Variants in BRS3 observed in about 807,000 individuals in gnomAD.
BRS3 encodes the protein bombesin receptor subtype 3, also known as bombesin receptor subtype-3.
Under a neutral mutation model 18.8 loss-of-function variants are expected in BRS3, and 5 were observed. The ratio of observed to expected loss-of-function variants is 0.27; its 90% CI spans 0.14 to 0.56. The LOEUF (loss-of-function observed/expected upper bound fraction) is 0.56. Among genes scored for constraint, BRS3 ranks in the 20% least tolerant of loss-of-function variants. The pLI is 0.93. For missense variants in BRS3, 215 were observed against 296.3 expected, an observed-to-expected ratio of 0.73 and a Z score of 2.01; for synonymous variants, 121 against 115.0, an observed-to-expected ratio of 1.05 and a Z score of -0.33.
chrX:136,490,663 C>G (rs1265504997), intron 2 of BRS3, among the ~76,000 whole-genome samples, 179 bp downstream of exon 2: 1 of 112,228 alleles, frequency 8.9e-6, no homozygotes, highest in African/African-American at 3.2e-5. Context: ...GCTGAGTAAT[C>G]TTGAGCAAGT....
In BRS3 at chrX:136,488,276, T is replaced by C; in HGVS notation, c.162T>C (p.Tyr54=). 8.2e-7 allele frequency: 1 copy of C among 1,212,244 alleles called. No individual in the cohort carries two copies. Among genetic ancestry groups the C allele is most frequent in the Non-Finnish European group, 1.1e-6 (1 of 895,645 alleles). ...CATTGTGTGCCATCTATATTACTTA[T>C]GCTGTGATCATTTCAGTGGGCATCC... The part of the protein sequence containing the change: ...IEALCAIYIT[Y]AVIISVGILG... Residue 54 remains tyrosine, a synonymous_variant, in exon 1 of 3, where the codon TAT becomes TAC. Coordinates refer to ENST00000370648, the MANE Select transcript of BRS3 (RefSeq NM_001727.2).
At position 136,492,213 on chromosome X, in the gene BRS3, C is replaced by T; in HGVS notation, c.1038C>T (p.Phe346=). The stretch of plus-strand genomic sequence containing the variant: ...AGAAGCATTTTAAAGCTCAGTTGTT[C>T]TGTTGCAAGGCGGAGCGGCCTGAGC... The part of the protein sequence containing the change: ...SFQKHFKAQL[F]CCKAERPEPP... The change falls in exon 3 of 3, where the codon TTC becomes TTT. Residue 346 remains phenylalanine, a synonymous_variant. Transcript: ENST00000370648. 8.3e-7 allele frequency: 1 copy of T among 1,211,668 alleles called. No homozygotes were observed. The highest frequency in any genetic ancestry group is 1.1e-6 in the Non-Finnish European group (1 of 895,551).
intron 2 of BRS3, 23 bp from the exon 3 acceptor site, chrX:136,491,939 T>TTTTTTTTTTTTTTTTTTTTTTTTTTTA: frequency 1.3e-6 from 1 of 756,465 alleles, no homozygotes; most frequent in Non-Finnish European, 1.7e-6. Context: ...TTTTTTTTTT[T>TTTTTTTTTTTTTTTTTTTTTTTTTTTA]GCTATGTTTC....
At chrX:136,491,260 A>G (rs754531542) in intron 2 of BRS3, among the ~76,000 whole-genome samples, 1 of 112,235 alleles carries the variant, frequency 8.9e-6, no homozygotes, top group East Asian at 2.8e-4. Context: ...TAGTCCATTC[A>G]GTTAGTTTAA....
chrX:136,490,547 G>A, intron 2 of BRS3, 63 bp downstream of exon 2: 4 of 864,750 alleles, frequency 4.6e-6, no homozygotes, highest in Non-Finnish European at 6.4e-6. Flanking sequence ...TCCTACTTTT[G>A]CACAGTGAGT....
At chrX:136,491,104 C>T (rs1382113109) in intron 2 of BRS3, among the ~76,000 whole-genome samples, 2 of 111,597 alleles carry the variant, frequency 1.8e-5, no homozygotes, top group Non-Finnish European at 3.8e-5. Context: ...TACCCTCCCT[C>T]TCATAAATAT....
At chrX:136,491,913 G>GTTTTGTTTTTTTTTTTTTTTTTTTT (rs2075671109) in intron 2 of BRS3, 49 bp from the exon 3 acceptor site, 1 of 431,735 alleles carries the variant, frequency 2.3e-6, no homozygotes, top group Non-Finnish European at 2.8e-6. Flanking sequence ...TGTTTTTTGT[G>GTTTTGTTTTTTTTTTTTTTTTTTTT]TTTTTTTTTT....
Position 136,490,443 on chromosome X carries a change from C to T in BRS3, c.745C>T (p.Leu249=). ...TGCTAGGACCCTTTACAAAAGCACC[C>T]TGAACATACCTACTGAGGAACAAAG... ...LIARTLYKST[L]NIPTEEQSHA... Residue 249 remains leucine (L), a synonymous_variant, in exon 2 of 3, where the codon CTG becomes TTG. Coordinates refer to ENST00000370648, the MANE Select transcript of BRS3 (RefSeq NM_001727.2). 1 of 1,189,182 alleles carries T rather than the reference C, an allele frequency of 8.4e-7. No individual in the cohort carries two copies. Among genetic ancestry groups the T allele is most frequent in the Non-Finnish European group, 1.1e-6 (1 of 881,160 alleles).
rs373228133 is a variant in BRS3, at chrX:136,488,190, G to T, written c.76G>T (p.Val26Leu). The change falls in exon 1 of 3, where the codon GTG becomes TTG. Residue 26 changes from valine (V) to leucine (L), a missense_variant. Val to Leu is a conservative substitution (Grantham distance 32, BLOSUM62 1). Coordinates refer to ENST00000370648, the MANE Select transcript of BRS3 (RefSeq NM_001727.2). ...ITNDTESSSS[V>L]VSNDNTNKGW... ...AAATGACACAGAATCATCAAGCTCT[G>T]TGGTTTCTAACGATAACACAAATAA... is the stretch of plus-strand genomic sequence containing the variant. 14 of 1,210,034 alleles carry T rather than the reference G, an allele frequency of 1.2e-5. No individual in the cohort carries two copies. Among genetic ancestry groups the T allele is most frequent in the Non-Finnish European group, 1.1e-6 (1 of 895,219 alleles).
At position 136,491,913 on chromosome X, in the gene BRS3, G is replaced by GT. The variant is rs754593042; in HGVS notation, c.787-23dup. On this transcript the variant is annotated intron_variant, in intron 2 of 2. Coordinates refer to ENST00000370648, the MANE Select transcript of BRS3 (RefSeq NM_001727.2). Reference sequence around the variant, plus strand: ...TTTTTTTGTTGTTGTTGTTTTTTGTGTTTTTTTTTTTTTTTTTTTTTTTTT... The same window carrying GT: ...TTTTTTTGTTGTTGTTGTTTTTTGTGTTTTTTTTTTTTTTTTTTTTTTTTTT... 1,004 of 436,541 alleles carry GT rather than the reference G, an allele frequency of 2.3e-3. 48 individuals carry two copies. Among genetic ancestry groups the GT allele is most frequent in the East Asian group, 0.012 (118 of 10,091 alleles). 36.0% of individuals were successfully genotyped at this position (436,541 alleles called of 1,213,427 possible). A position where few individuals can be genotyped will look rare whatever the true frequency, so the allele number is the denominator to read the frequency against.
chrX:136,492,068 C>T lies in BRS3; in HGVS notation c.893C>T (p.Ser298Phe). The change falls in exon 3 of 3, where the codon TCT (serine) becomes TTT (phenylalanine). Residue 298 changes from serine to phenylalanine, a missense_variant. Ser to Phe is a radical substitution (Grantham distance 155). Transcript: ENST00000370648. ...HLLYLYHSFT[S>F]QTYVDPSAMH... Reference sequence around the variant, plus strand: ...CTGTACCTCTACCATTCATTCACTTCTCAAACCTATGTAGACCCCTCTGCC... The same window carrying T: ...CTGTACCTCTACCATTCATTCACTTTTCAAACCTATGTAGACCCCTCTGCC... The T allele has an allele frequency of 2.5e-6, 3 of 1,211,090 alleles. No individual in the cohort carries two copies. The highest frequency in any genetic ancestry group is 3.4e-6 in the Non-Finnish European group (3 of 895,323).
chrX:136,490,337 G>A lies in BRS3; in HGVS notation c.639G>A (p.Leu213=). 2.5e-6 allele frequency: 3 copies of A among 1,208,124 alleles called. No individual in the cohort carries two copies. The highest frequency in any genetic ancestry group is 3.4e-6 in the Non-Finnish European group (3 of 892,221). ...CTTATCCTGTCTCTAAGAAGCTCTT[G>A]CAAGAAATACATTCTCTGCTGTGCT... is the stretch of plus-strand genomic sequence containing the variant. ...CTSYPVSKKL[L]QEIHSLLCFL... The change falls in exon 2 of 3, where the codon TTG becomes TTA. Residue 213 remains leucine, a synonymous_variant. Transcript: ENST00000370648.
Position 136,492,240 on chromosome X carries a change from T to G in BRS3, c.1065T>G (p.Pro355=), listed in dbSNP as rs1458334240. ...GTTGCAAGGCGGAGCGGCCTGAGCCTCCTGTTGCTGACACCTCTCTTACCA... is the reference window on the plus strand; with the variant it reads ...GTTGCAAGGCGGAGCGGCCTGAGCCGCCTGTTGCTGACACCTCTCTTACCA... ...LFCCKAERPE[P]PVADTSLTTL... Residue 355 remains proline (P), a synonymous_variant, in exon 3 of 3, where the codon CCT becomes CCG. Coordinates refer to ENST00000370648, the MANE Select transcript of BRS3 (RefSeq NM_001727.2). The G allele has an allele frequency of 8.3e-7, 1 of 1,209,846 alleles. No homozygotes were observed. Among genetic ancestry groups the G allele is most frequent in the Non-Finnish European group, 1.1e-6 (1 of 895,291 alleles).
rs1233612508 is a variant in BRS3, at chrX:136,492,359, C to A, written c.1184C>A (p.Ala395Glu). Reference sequence around the variant, plus strand: ...TTCACTGGGTGTAGTGTGAAGCAGGCAGAGGACAGATTCTAGCTTTTCAAG... The same window carrying A: ...TTCACTGGGTGTAGTGTGAAGCAGGAAGAGGACAGATTCTAGCTTTTCAAG... Reference protein sequence around the residue: ...TSFTGCSVKQAEDRF With the variant: ...TSFTGCSVKQEEDRF Residue 395 changes from alanine (A) to glutamate (E), a missense_variant, in exon 3 of 3, where the codon GCA becomes GAA. Ala to Glu is a moderately radical substitution (Grantham distance 107, BLOSUM62 -1). Around this residue, in one of 3 missense-constraint regions of BRS3, gnomAD observed 45 missense variants for 45.5 expected, o/e 0.99. Coordinates refer to ENST00000370648, the MANE Select transcript of BRS3 (RefSeq NM_001727.2). 8.3e-7 allele frequency: 1 copy of A among 1,203,662 alleles called. No homozygotes were observed. The highest frequency in any genetic ancestry group is 1.8e-5 in the African/African-American group (1 of 56,859).
Position 136,492,453 on chromosome X carries a change from G to T in BRS3, c.*78G>T. On this transcript the variant is annotated 3_prime_UTR_variant, in exon 3 of 3. Transcript: ENST00000370648. ...GCTGTGTGCAGGTGTATGGTGTCCA[G>T]ATTTTTGTTGTTTGAAAAGTGTGTT... 2 of 1,031,072 alleles carry T rather than the reference G, an allele frequency of 1.9e-6. No homozygotes were observed. Among genetic ancestry groups the T allele is most frequent in the Non-Finnish European group, 2.6e-6 (2 of 778,855 alleles). The allele number at this position is 1,031,072 out of a possible 1,213,427, so 85.0% of individuals were successfully genotyped here. A position where few individuals can be genotyped will look rare whatever the true frequency, so the allele number is the denominator to read the frequency against.
chrX:136,492,400 T>C lies in BRS3; in HGVS notation c.*25T>C. 8.5e-7 allele frequency: 1 copy of C among 1,181,824 alleles called. No individual in the cohort carries two copies. Among genetic ancestry groups the C allele is most frequent in the Non-Finnish European group, 1.1e-6 (1 of 880,454 alleles). ...GCTTTTCAAGGAAAAATGCTGCTTC[T>C]CCTCCCAGCGTGTGTATCCGACTCT... On this transcript the variant is annotated 3_prime_UTR_variant, in exon 3 of 3. Transcript: ENST00000370648.
chrX:136,491,835 T>C, intron 2 of BRS3, 127 bp from the exon 3 acceptor site: 1 of 741,847 alleles, frequency 1.3e-6, no homozygotes, highest in Non-Finnish European at 1.8e-6. Flanking sequence ...TGTAAATTTC[T>C]ATGTAAATTT....
At position 136,488,185 on chromosome X, in the gene BRS3, G is replaced by A; in HGVS notation, c.71G>A (p.Ser24Asn). 1 of 1,211,294 alleles carries A rather than the reference G, an allele frequency of 8.3e-7. No individual in the cohort carries two copies. Among genetic ancestry groups the A allele is most frequent in the Non-Finnish European group, 1.1e-6 (1 of 895,140 alleles). Residue 24 changes from serine (S) to asparagine (N), a missense_variant, in exon 1 of 3, where the codon AGC (serine) becomes AAC (asparagine). Coordinates refer to ENST00000370648, the MANE Select transcript of BRS3 (RefSeq NM_001727.2). ...ATCACAAATGACACAGAATCATCAA[G>A]CTCTGTGGTTTCTAACGATAACACA... ...ISITNDTESS[S>N]SVVSNDNTNK...
rs1373616201 is a variant in BRS3, at chrX:136,493,539, A to C, written c.*1164A>C. 8.9e-6 allele frequency: 1 copy of C among 112,303 alleles called. No homozygotes were observed. Among genetic ancestry groups the C allele is most frequent in the Admixed American group, 9.4e-5 (1 of 10,621 alleles). The allele number at this position is 112,303 out of a possible 1,213,427, so 9.3% of individuals were successfully genotyped here. Reference sequence around the variant, plus strand: ...TATAGGTAAATTTGTATTTAAAAAAAAAAACAATGTTTGAGTGTGCTTTTG... The same window carrying C: ...TATAGGTAAATTTGTATTTAAAAAACAAAACAATGTTTGAGTGTGCTTTTG... On this transcript the variant is annotated 3_prime_UTR_variant, in exon 3 of 3. Transcript: ENST00000370648.
Sources: gnomAD v4.1 joint callset for allele counts (sites outside exome capture counted in the v4.1 genomes callset) on GRCh38, gnomAD v4.1.1 for gene constraint, gnomAD v4.1.1 regional missense constraint, MANE v1.5 for transcripts, NCBI Gene and HGNC (gene_info 2026-07-23, HGNC 2026-07-21) for gene names.